Variants in STK38L observed in about 807,000 individuals in gnomAD.
STK38L encodes the protein serine/threonine kinase 38 like, also known as serine/threonine-protein kinase 38-like.
STK38L carries 28 observed loss-of-function variants against 59.7 expected under a neutral mutation model. That is an observed-to-expected ratio of 0.47 (90% CI 0.35 to 0.64). The LOEUF (loss-of-function observed/expected upper bound fraction) is 0.64, where lower values mean the gene tolerates loss of function less well. Among genes scored for constraint, STK38L ranks in the 30% least tolerant of loss-of-function variants. The pLI is 0.01. For synonymous variants in STK38L, 162 were observed against 176.8 expected, an observed-to-expected ratio of 0.92 and a Z score of 0.66; for missense variants, 314 against 555.8, an observed-to-expected ratio of 0.56 and a Z score of 4.37.
chr12:27,251,971 G>GT (rs978630490), intron 1 of STK38L, among the ~76,000 whole-genome samples: 6 of 150,904 alleles, frequency 4.0e-5, no homozygotes, highest in African/African-American at 1.5e-4. Flanking sequence ...GCTTGCTGAG[G>GT]TATCTTACAG....
At chr12:27,292,025 G>A (rs1274348158) in intron 1 of STK38L, among the ~76,000 whole-genome samples, 1 of 152,144 alleles carries the variant, frequency 6.6e-6, no homozygotes, top group Non-Finnish European at 1.5e-5. Context: ...CTTAACTATT[G>A]GTAGTGTCTC....
At chr12:27,263,547 C>T (rs1333798892) in intron 1 of STK38L, among the ~76,000 whole-genome samples, 2 of 152,166 alleles carry the variant, frequency 1.3e-5, no homozygotes, top group South Asian at 2.1e-4. Flanking sequence ...CACCTCATCA[C>T]TCTGGTGTTA....
chr12:27,254,913 A>G (rs574265076), intron 1 of STK38L, among the ~76,000 whole-genome samples: 1 of 152,350 alleles, frequency 6.6e-6, no homozygotes, highest in African/African-American at 2.4e-5. Context: ...TTGAACTCCC[A>G]GCAGTCCTGT....
At chr12:27,275,039 A>G (rs1052666618) in intron 1 of STK38L, among the ~76,000 whole-genome samples, 10 of 152,160 alleles carry the variant, frequency 6.6e-5, no homozygotes, top group Non-Finnish European at 1.3e-4. Context: ...TAAATTGTAA[A>G]TTGGACCACA....
chr12:27,274,286 A>G (rs886172121), intron 1 of STK38L, among the ~76,000 whole-genome samples: 3 of 152,024 alleles, frequency 2.0e-5, no homozygotes, highest in East Asian at 1.9e-4. Context: ...ACACTATGTA[A>G]TTTGTAAGAA....
intron 1 of STK38L, among the ~76,000 whole-genome samples, chr12:27,244,779 C>T (rs765501153): frequency 6.6e-6 from 1 of 152,142 alleles, no homozygotes; most frequent in African/African-American, 2.4e-5. Context: ...TGTACCGTTC[C>T]TAAAAACTGA....
chr12:27,258,482 C>A lies in STK38L; in HGVS notation c.-12+14150C>A, dbSNP rs576958593. Among the ~76,000 whole-genome samples, 14 of 152,134 alleles carry A rather than the reference C, an allele frequency of 9.2e-5. No homozygotes were observed. In the East Asian group the frequency reaches 2.7e-3, roughly 30 times the overall value. ...TAGCTGGGATTACAGGCCCCTGCCTCCATGCCCAGCTAATTTTTGTATTTT... is the reference window on the plus strand; with the variant it reads ...TAGCTGGGATTACAGGCCCCTGCCTACATGCCCAGCTAATTTTTGTATTTT... On this transcript the variant is annotated intron_variant, in intron 1 of 13. Transcript: ENST00000389032.
Position 27,282,530 on chromosome 12 carries a change from GT to G in STK38L, c.-11-15170del, listed in dbSNP as rs35322772. ...AAAGGAATGTATAAGCAAAACTAAAGTTTTTTTTTTAACCTTATCAAACTGA... is the reference window on the plus strand; with the variant it reads ...AAAGGAATGTATAAGCAAAACTAAAGTTTTTTTTTAACCTTATCAAACTGA... On this transcript the variant is annotated intron_variant, in intron 1 of 13. Transcript: ENST00000389032. Among the ~76,000 whole-genome samples the G allele has an allele frequency of 7.4e-3, 1,112 of 149,476 alleles. 13 individuals carry two copies. Among genetic ancestry groups the G allele is most frequent in the African/African-American group, 0.025 (1,028 of 40,802 alleles).
At chr12:27,262,462 C>T (rs979539491) in intron 1 of STK38L, among the ~76,000 whole-genome samples, 7 of 151,926 alleles carry the variant, frequency 4.6e-5, no homozygotes, top group South Asian at 2.1e-4. Flanking sequence ...CGTTAAAAAT[C>T]GTAAAACATT....
chr12:27,288,534 A>G (rs1289598178), intron 1 of STK38L, among the ~76,000 whole-genome samples: 1 of 152,060 alleles, frequency 6.6e-6, no homozygotes, highest in Non-Finnish European at 1.5e-5. Flanking sequence ...TCAGAGCCAT[A>G]GTTTAAACCT....
Position 27,305,627 on chromosome 12 carries a change from C to T in STK38L, c.187-2712C>T, listed in dbSNP as rs76935894. ...AAGTTGCTAGCTGAACCCTTTTCAT[C>T]TGAAAAATTTTGTATGCACTGTCTG... is the stretch of plus-strand genomic sequence containing the variant. On this transcript the variant is annotated intron_variant, in intron 3 of 13. Coordinates refer to ENST00000389032, the MANE Select transcript of STK38L (RefSeq NM_015000.4). Among the ~76,000 whole-genome samples the T allele has an allele frequency of 5.1e-3, 769 of 152,198 alleles. 11 individuals carry two copies. Among genetic ancestry groups the T allele is most frequent in the African/African-American group, 0.017 (726 of 41,514 alleles).
intron 1 of STK38L, among the ~76,000 whole-genome samples, chr12:27,251,482 G>C (rs888274076): frequency 6.6e-6 from 1 of 152,198 alleles, no homozygotes; most frequent in Non-Finnish European, 1.5e-5. Flanking sequence ...CAAAATAAGA[G>C]ACAGAGCCTG....
At chr12:27,266,086 T>C (rs1236643510) in intron 1 of STK38L, among the ~76,000 whole-genome samples, 3 of 152,190 alleles carry the variant, frequency 2.0e-5, no homozygotes, top group African/African-American at 7.2e-5. Context: ...TCAAATAATA[T>C]TTTAACATAT....
chr12:27,267,579 C>CA (rs1229697473), intron 1 of STK38L, among the ~76,000 whole-genome samples: 1 of 152,182 alleles, frequency 6.6e-6, no homozygotes, highest in Non-Finnish European at 1.5e-5. Flanking sequence ...TCTGCATGTG[C>CA]AGGAGTATTT....
chr12:27,259,771 C>T (rs1565525175), intron 1 of STK38L, among the ~76,000 whole-genome samples: 1 of 151,994 alleles, frequency 6.6e-6, no homozygotes, highest in Non-Finnish European at 1.5e-5. Context: ...TTTTTGTAGC[C>T]CTTGCTGATT....
At chr12:27,320,442 A>ATTTTTTTT (rs34281958) in intron 12 of STK38L, among the ~76,000 whole-genome samples, 2 of 91,896 alleles carry the variant, frequency 2.2e-5, no homozygotes, top group African/African-American at 4.5e-5. Flanking sequence ...AATTTTGTTG[A>ATTTTTTTT]TTTTTTTTTT....
chr12:27,276,227 TC>T (rs1306913838), intron 1 of STK38L, among the ~76,000 whole-genome samples: 1 of 152,168 alleles, frequency 6.6e-6, no homozygotes, highest in African/African-American at 2.4e-5. Context: ...CCATACCTAC[TC>T]CCCTTCGCAT....
intron 1 of STK38L, among the ~76,000 whole-genome samples, chr12:27,285,138 C>T (rs1053749468): frequency 1.3e-5 from 2 of 152,150 alleles, no homozygotes; most frequent in Admixed American, 1.3e-4. Context: ...TTTGTACCCC[C>T]AAAGGACTGC....
intron 1 of STK38L, among the ~76,000 whole-genome samples, chr12:27,254,166 C>G (rs1471474913): frequency 1.3e-5 from 2 of 152,168 alleles, no homozygotes; most frequent in Non-Finnish European, 2.9e-5. Flanking sequence ...TCAAGAGCAC[C>G]TGACTTGAGG....
Sources: gnomAD v4.1 joint callset for allele counts (sites outside exome capture counted in the v4.1 genomes callset) on GRCh38, gnomAD v4.1.1 for gene constraint, MANE v1.5 for transcripts, NCBI Gene and HGNC (gene_info 2026-07-23, HGNC 2026-07-21) for gene names.